The following ARL13B variants were observed in gnomAD, a reference collection of about 807,000 sequenced individuals.
ARL13B encodes ARF like GTPase 13B.
Under a neutral mutation model 56.1 loss-of-function variants are expected in ARL13B, and 36 were observed. The ratio of observed to expected loss-of-function variants is 0.64; its 90% confidence interval spans 0.49 to 0.85. ARL13B has a LOEUF of 0.85. Among genes scored for constraint, ARL13B ranks in the 40% least tolerant of loss-of-function variants. ARL13B has a pLI of 0.00. For missense variants in ARL13B, 519 were observed against 507.1 expected (o/e 1.02, Z -0.23); for synonymous variants, 178 against 171.1 (o/e 1.04, Z -0.32).
intron 1 of ARL13B, among the ~76,000 whole-genome samples, chr3:93,991,772 A>G (rs1178812180): frequency 1.3e-5 from 2 of 152,194 alleles, no homozygotes; most frequent in Non-Finnish European, 2.9e-5. Context: ...GTGAATGTTA[A>G]CCTTTTAATT....
At position 94,049,525 on chromosome 3, in the gene ARL13B, G is replaced by A. The variant is rs1305413290; in HGVS notation, c.1141+3G>A. The A allele has an allele frequency of 6.5e-7, 1 of 1,540,304 alleles. No homozygotes were observed. The highest frequency in any genetic ancestry group is 1.1e-5 in the South Asian group (1 of 88,040). On this transcript the variant is annotated splice_donor_region_variant and intron_variant, in intron 8 of 9. Coordinates refer to ENST00000394222, the MANE Select transcript of ARL13B (RefSeq NM_001174150.2). ...GCCACCCCCACCCCCTCCTCCTGGT[G>A]AGTAAATTGATACTGATACTGAATT...
rs199847439 is a variant in ARL13B at position 94,036,572 on chromosome 3, G to A, written c.507G>A (p.Ser169=). 17 of 1,613,910 alleles carry A rather than the reference G, an allele frequency of 1.1e-5. No individual in the cohort carries two copies. Among genetic ancestry groups the A allele is most frequent in the East Asian group, 6.7e-5 (3 of 44,842 alleles). Residue 169 remains serine, a synonymous_variant, in exon 5 of 10, where the codon TCG becomes TCA. Coordinates refer to ENST00000394222, the MANE Select transcript of ARL13B (RefSeq NM_001174150.2). The stretch of plus-strand genomic sequence containing the variant: ...TTTAGGAACCATGTTCAGCAATCTC[G>A]GGGTATGGAAAGAAAATTGACAAGT... ...LCQIEPCSAI[S]GYGKKIDKSI... is the part of the protein sequence containing the mutation.
chr3:94,010,455 TG>T (rs2076205131), intron 3 of ARL13B, among the ~76,000 whole-genome samples: 1 of 152,120 alleles, frequency 6.6e-6, no homozygotes, highest in Admixed American at 6.6e-5. Context: ...TTAGTAGTTA[TG>T]AATATGAGCT....
In ARL13B at chr3:94,055,060, AAT is replaced by A; in HGVS notation, c.*1799_*1800del. On this transcript the variant is annotated 3_prime_UTR_variant, in exon 10 of 10. Coordinates refer to ENST00000394222, the MANE Select transcript of ARL13B (RefSeq NM_001174150.2). ...GTAGCTACTGGCTTCATTTAATAAA[AAT>A]AAATGATTTTGAAATTAAATATAAT... is the stretch of plus-strand genomic sequence containing the variant. The A allele has an allele frequency of 2.8e-6, 1 of 358,578 alleles. No homozygotes were observed. Among genetic ancestry groups the A allele is most frequent in the Non-Finnish European group, 5.4e-6 (1 of 186,704 alleles). The allele number at this position is 358,578 out of a possible 1,614,324, so 22.2% of individuals were successfully genotyped here.
chr3:94,050,284 C>G (rs541109291), intron 8 of ARL13B, among the ~76,000 whole-genome samples: 61 of 151,712 alleles, frequency 4.0e-4, no homozygotes, highest in African/African-American at 1.4e-3. Context: ...TAAGTTGTTA[C>G]GAGGATTAAA....
chr3:94,039,448 C>T (rs1239562497), intron 5 of ARL13B, among the ~76,000 whole-genome samples: 1 of 135,944 alleles, frequency 7.4e-6, no homozygotes, highest in East Asian at 2.1e-4. Context: ...TGCAGTGAGC[C>T]GAGATGGTGC....
intron 5 of ARL13B, 149 bp from the exon 6 acceptor site, chr3:94,039,731 A>G (rs2076830266): frequency 1.2e-5 from 8 of 644,454 alleles, no homozygotes; most frequent in Non-Finnish European, 2.1e-5. Context: ...TTACCTGCAT[A>G]AGGATTTTTG....
At chr3:94,018,858 C>T (rs556453438) in intron 3 of ARL13B, among the ~76,000 whole-genome samples, 4 of 152,058 alleles carry the variant, frequency 2.6e-5, no homozygotes, top group South Asian at 2.1e-4. Flanking sequence ...CTCCGCCGTC[C>T]GGGTTCAAGC....
chr3:93,996,629 T>G, intron 2 of ARL13B: 2 of 440,982 alleles, frequency 4.5e-6, no homozygotes, highest in South Asian at 3.2e-5. Context: ...TCTTCTGCCT[T>G]GGCCTCCAAG....
In ARL13B at chr3:93,980,317, TTATCCACTTTAGGGGCGTCTCG is replaced by T. The variant is rs1484154703; in HGVS notation, c.-106_-85del. ...TTCCCTCCCGGCTTTTCCTCCCGAC[TTATCCACTTTAGGGGCGTCTCG>T]GAGTGCCGGAGGCCCCCGGGGAAGA... On this transcript the variant is annotated 5_prime_UTR_variant, in exon 1 of 10. Transcript: ENST00000394222. 1 of 1,451,068 alleles carries T rather than the reference TTATCCACTTTAGGGGCGTCTCG, an allele frequency of 6.9e-7. No homozygotes were observed. The highest frequency in any genetic ancestry group is 1.7e-5 in the Admixed American group (1 of 59,670). The allele number at this position is 1,451,068 out of a possible 1,614,324, so 89.9% of individuals were successfully genotyped here. A position where few individuals can be genotyped will look rare whatever the true frequency, so the allele number is the denominator to read the frequency against.
intron 1 of ARL13B, 144 bp downstream of exon 1, chr3:93,980,626 G>A (rs989457638): frequency 1.1e-5 from 11 of 980,834 alleles, no homozygotes; most frequent in African/African-American, 1.6e-5. Context: ...TCCCGGGAGG[G>A]AGAGATTGGA....
chr3:94,030,832 A>T (rs565223729), intron 3 of ARL13B, among the ~76,000 whole-genome samples: 9 of 152,266 alleles, frequency 5.9e-5, no homozygotes, highest in Admixed American at 5.2e-4. Flanking sequence ...TGGATAAAAC[A>T]AATAATGTCA....
intron 7 of ARL13B, among the ~76,000 whole-genome samples, chr3:94,045,447 T>TAAA (rs1047984463): frequency 9.5e-5 from 7 of 73,580 alleles, no homozygotes; most frequent in African/African-American, 2.6e-4. Flanking sequence ...CAATAAATAC[T>TAAA]AAAAAAAAAA....
At chr3:94,028,324 G>A (rs890844018) in intron 3 of ARL13B, 2 of 152,152 alleles carry the variant, frequency 1.3e-5, no homozygotes, top group Non-Finnish European at 2.9e-5. Context: ...GTCAGTCTAT[G>A]GATACCTCAT....
intron 1 of ARL13B, among the ~76,000 whole-genome samples, chr3:93,989,990 C>CA: frequency 1.3e-5 from 2 of 151,664 alleles, no homozygotes; most frequent in Non-Finnish European, 2.9e-5. Context: ...TTGAGTATCT[C>CA]TTTTTTTTGT....
intron 1 of ARL13B, among the ~76,000 whole-genome samples, chr3:93,985,989 A>G (rs1477772393): frequency 6.6e-6 from 1 of 152,308 alleles, no homozygotes; most frequent in African/African-American, 2.4e-5. Context: ...CTTGGCCTAA[A>G]TAAATATAAC....
In ARL13B at chr3:94,055,177, C is replaced by T. The variant is rs1473384727; in HGVS notation, c.*1914C>T. Reference sequence around the variant, plus strand: ...CATTTTAAAAAATGTTTTGTAAATCCAGGTGTATTTTAACAATTAAATGCC... The same window carrying T: ...CATTTTAAAAAATGTTTTGTAAATCTAGGTGTATTTTAACAATTAAATGCC... On this transcript the variant is annotated 3_prime_UTR_variant, in exon 10 of 10. Transcript: ENST00000394222. The T allele has an allele frequency of 2.8e-5, 10 of 359,118 alleles. No homozygotes were observed. The highest frequency in any genetic ancestry group is 4.8e-5 in the Non-Finnish European group (9 of 186,672). 22.2% of individuals were successfully genotyped at this position (359,118 alleles called of 1,614,324 possible). A position where few individuals can be genotyped will look rare whatever the true frequency, so the allele number is the denominator to read the frequency against.
intron 1 of ARL13B, among the ~76,000 whole-genome samples, chr3:93,994,407 T>C (rs114052376): frequency 2.9e-5 from 4 of 136,468 alleles, no homozygotes; most frequent in African/African-American, 1.1e-4. Context: ...CCCCCAACCT[T>C]GATCCCTTGT....
At chr3:94,026,920 GA>G (rs1297634015) in intron 3 of ARL13B, among the ~76,000 whole-genome samples, 1 of 152,048 alleles carries the variant, frequency 6.6e-6, no homozygotes, top group Non-Finnish European at 1.5e-5. Flanking sequence ...CTTGTTCTGG[GA>G]AATAGAAAAG....
Sources: gnomAD v4.1 joint callset for allele counts (sites outside exome capture counted in the v4.1 genomes callset) on GRCh38, gnomAD v4.1.1 for gene constraint, MANE v1.5 for transcripts, NCBI Gene and HGNC (gene_info 2026-07-23, HGNC 2026-07-21) for gene names.